ABCC4: variants seen among roughly 807,000 people sequenced by gnomAD.
ABCC4 encodes ATP-binding cassette sub-family C member 4.
In ABCC4, 102 loss-of-function variants were observed where a neutral mutation model predicts 168.5. That is an observed-to-expected ratio of 0.61 (90% CI 0.52 to 0.71). ABCC4 has a LOEUF of 0.71. ABCC4 is among the 30% of genes least tolerant of loss of function. ABCC4 has a pLI of 0.00. For synonymous variants in ABCC4, 617 were observed against 590.7 expected (o/e 1.04, Z -0.65); for missense variants, 1,402 against 1,605.8 (o/e 0.87, Z 2.17).
chr13:95,188,408 G>A, intron 10 of ABCC4, 45 bp downstream of exon 10: 4 of 1,557,330 alleles, frequency 2.6e-6, no homozygotes, highest in Non-Finnish European at 3.5e-6. Context: ...AAGTTAATAT[G>A]ATAAGTGGGG....
chr13:95,122,602 G>A (rs879542586), intron 19 of ABCC4, among the ~76,000 whole-genome samples: 9 of 152,232 alleles, frequency 5.9e-5, no homozygotes, highest in Admixed American at 2.0e-4. Context: ...CCTCCTGGCC[G>A]TGTGTCCCTG....
chr13:95,054,773 A>G (rs1255688804), intron 26 of ABCC4, among the ~76,000 whole-genome samples: 1 of 152,132 alleles, frequency 6.6e-6, no homozygotes, highest in East Asian at 1.9e-4. Context: ...TTGGGGCAGG[A>G]CTGTTCCTCC....
intron 4 of ABCC4, among the ~76,000 whole-genome samples, chr13:95,226,670 C>A (rs537806005): frequency 2.4e-4 from 37 of 152,262 alleles, no homozygotes; most frequent in African/African-American, 8.2e-4. Flanking sequence ...TCAATCTCTA[C>A]CCTTGCCAAT....
At chr13:95,106,401 A>G (rs938907629) in intron 20 of ABCC4, among the ~76,000 whole-genome samples, 16 of 151,806 alleles carry the variant, frequency 1.1e-4, no homozygotes, top group African/African-American at 3.6e-4. Context: ...ATTTTAACCA[A>G]AAAGTAACTA....
chr13:95,208,608 C>CTTTTTTTTTTT (rs58749262), intron 6 of ABCC4, among the ~76,000 whole-genome samples: 2 of 74,652 alleles, frequency 2.7e-5, no homozygotes, highest in East Asian at 9.7e-4. Context: ...AGCTGTATTT[C>CTTTTTTTTTTT]TTTTTTTTTT....
At position 95,043,792 on chromosome 13, in the gene ABCC4, A is replaced by G. The variant is rs755932697; in HGVS notation, c.3630-5T>C. ...TTTTGTATTAACTCATCAGTTCTGCAATCAAAGAAGTTAAGTTTAATTTCG... is the reference window on the plus strand; with the variant it reads ...TTTTGTATTAACTCATCAGTTCTGCGATCAAAGAAGTTAAGTTTAATTTCG... On this transcript the variant is annotated splice_polypyrimidine_tract_variant and splice_region_variant and intron_variant, in intron 28 of 30. Transcript: ENST00000645237. 3.1e-6 allele frequency: 5 copies of G among 1,606,148 alleles called. No individual in the cohort carries two copies. The highest frequency in any genetic ancestry group is 1.1e-5 in the South Asian group (1 of 90,700).
At chr13:95,218,268 T>TC (rs2138701658) in intron 4 of ABCC4, among the ~76,000 whole-genome samples, 2 of 152,248 alleles carry the variant, frequency 1.3e-5, no homozygotes, top group East Asian at 3.9e-4. Flanking sequence ...TAACAACATA[T>TC]CTACTTTAAT....
intron 5 of ABCC4, 32 bp downstream of exon 5, chr13:95,210,660 C>A: frequency 6.4e-7 from 1 of 1,566,216 alleles, no homozygotes; most frequent in Non-Finnish European, 8.8e-7. Context: ...GTGTTTAATG[C>A]AATGAAAAAG....
intron 26 of ABCC4, among the ~76,000 whole-genome samples, chr13:95,054,091 C>T (rs1276287752): frequency 8.5e-6 from 1 of 117,516 alleles, no homozygotes; most frequent in Non-Finnish European, 1.6e-5. Flanking sequence ...ACAACTGGGG[C>T]CAGAGGCACC....
At chr13:95,061,121 C>T (rs2139283747) in intron 26 of ABCC4, among the ~76,000 whole-genome samples, 1 of 152,328 alleles carries the variant, frequency 6.6e-6, no homozygotes, top group East Asian at 1.9e-4. Flanking sequence ...TATGGATAGA[C>T]CACGTTTTAT....
intron 19 of ABCC4, among the ~76,000 whole-genome samples, chr13:95,125,042 A>G (rs2035709960): frequency 6.6e-6 from 1 of 152,048 alleles, no homozygotes; most frequent in African/African-American, 2.4e-5. Flanking sequence ...GCCAGAAACC[A>G]CATACAGCAC....
At chr13:95,283,361 GTTTTTTTTTTTTTT>G (rs71113906) in intron 1 of ABCC4, among the ~76,000 whole-genome samples, 18 of 87,308 alleles carry the variant, frequency 2.1e-4, no homozygotes, top group South Asian at 5.1e-4. Context: ...TTTTTCTGTG[GTTTTTTTTTTTTTT>G]TTTTTTTTTT....
chr13:95,266,749 T>C (rs990930877), intron 1 of ABCC4, among the ~76,000 whole-genome samples: 3 of 151,966 alleles, frequency 2.0e-5, no homozygotes, highest in Non-Finnish European at 2.9e-5. Context: ...CTGGGTAGCA[T>C]TGGCCCCTGG....
chr13:95,289,664 T>G (rs2041342704), intron 1 of ABCC4, among the ~76,000 whole-genome samples: 1 of 152,164 alleles, frequency 6.6e-6, no homozygotes, highest in South Asian at 2.1e-4. Flanking sequence ...ACAAGTCCTT[T>G]GAGAGGAACC....
intron 19 of ABCC4, among the ~76,000 whole-genome samples, chr13:95,151,184 G>A (rs2036661457): frequency 6.6e-6 from 1 of 152,100 alleles, no homozygotes; most frequent in African/African-American, 2.4e-5. Flanking sequence ...ATGGTTTTTA[G>A]AAGTAATCCA....
chr13:95,239,364 C>T (rs2039867345), intron 3 of ABCC4, among the ~76,000 whole-genome samples: 1 of 152,116 alleles, frequency 6.6e-6, no homozygotes, highest in Non-Finnish European at 1.5e-5. Flanking sequence ...TGTCCTGAAT[C>T]TGATTTGGAA....
chr13:95,023,121 G>A (rs919480773), intron 30 of ABCC4, among the ~76,000 whole-genome samples: 1 of 152,162 alleles, frequency 6.6e-6, no homozygotes, highest in Admixed American at 6.6e-5. Flanking sequence ...ACTAAAAACA[G>A]CCAAAAGAAC....
At chr13:95,211,977 G>C (rs1196807809) in intron 4 of ABCC4, among the ~76,000 whole-genome samples, 2 of 152,220 alleles carry the variant, frequency 1.3e-5, no homozygotes, top group East Asian at 3.9e-4. Context: ...AGGAGTTCGA[G>C]ATCAGCCTGG....
intron 19 of ABCC4, 66 bp downstream of exon 19, chr13:95,161,123 T>C (rs530612955): frequency 2.5e-6 from 3 of 1,217,002 alleles, no homozygotes; most frequent in Non-Finnish European, 3.2e-6. Flanking sequence ...AAGATGGAAA[T>C]GTAATCAGAT....
Sources: allele counts gnomAD v4.1 joint callset (sites outside exome capture counted in the v4.1 genomes callset), GRCh38; gene constraint gnomAD v4.1.1; transcripts MANE v1.5; gene names NCBI Gene and HGNC (gene_info 2026-07-23, HGNC 2026-07-21).